The following CA10 variants were observed in gnomAD, a reference collection of about 807,000 sequenced individuals.
The protein encoded by CA10 is carbonic anhydrase-related protein 10.
A neutral mutation model predicts 44.2 loss-of-function variants in CA10; 14 were observed. That is an observed-to-expected ratio of 0.32 (90% CI 0.21 to 0.50). The LOEUF (loss-of-function observed/expected upper bound fraction) is 0.50. CA10 is among the 20% of genes least tolerant of loss of function. The pLI is 0.99. For synonymous variants in CA10, 159 were observed against 141.6 expected (o/e 1.12, Z -0.87); for missense variants, 350 against 409.7 (o/e 0.85, Z 1.26).
intron 1 of CA10, among the ~76,000 whole-genome samples, chr17:52,127,327 C>T (rs1381056096): frequency 1.3e-5 from 2 of 152,086 alleles, no homozygotes; most frequent in Non-Finnish European, 2.9e-5. Flanking sequence ...TTACATGGAT[C>T]CACTACAGTT....
At chr17:52,030,767 C>T (rs1286010357) in intron 2 of CA10, among the ~76,000 whole-genome samples, 1 of 152,150 alleles carries the variant, frequency 6.6e-6, no homozygotes, top group African/African-American at 2.4e-5. Flanking sequence ...CTGGGATACA[C>T]TCTTCCTCTC....
At chr17:51,871,222 C>A (rs2143861732) in intron 3 of CA10, among the ~76,000 whole-genome samples, 1 of 150,368 alleles carries the variant, frequency 6.7e-6, no homozygotes, top group Admixed American at 6.6e-5. Flanking sequence ...CCATGCCTGG[C>A]TTGCTTATTT....
intron 3 of CA10, among the ~76,000 whole-genome samples, chr17:51,789,295 C>T (rs1009930452): frequency 5.3e-5 from 8 of 152,266 alleles, no homozygotes; most frequent in South Asian, 2.1e-4. Flanking sequence ...GGATTACAGG[C>T]GTGAGCCACC....
At chr17:51,727,287 G>C (rs1345521773) in intron 4 of CA10, among the ~76,000 whole-genome samples, 2 of 152,142 alleles carry the variant, frequency 1.3e-5, no homozygotes, top group Non-Finnish European at 2.9e-5. Flanking sequence ...CAGGAGGAAA[G>C]GTCTTCCCCC....
intron 3 of CA10, among the ~76,000 whole-genome samples, chr17:51,768,736 G>A (rs769059780): frequency 3.9e-5 from 6 of 152,172 alleles, no homozygotes; most frequent in Non-Finnish European, 7.3e-5. Flanking sequence ...AAACAATGTG[G>A]CACAAACCCT....
intron 3 of CA10, among the ~76,000 whole-genome samples, chr17:51,787,056 A>T (rs778604074): frequency 1.2e-4 from 18 of 152,216 alleles, no homozygotes; most frequent in Non-Finnish European, 2.4e-4. Context: ...TTTCTAATAT[A>T]CTGTTGAATT....
chr17:52,058,702 T>C, intron 2 of CA10, among the ~76,000 whole-genome samples: 1 of 152,314 alleles, frequency 6.6e-6, no homozygotes, highest in South Asian at 2.1e-4. Flanking sequence ...AGATGCCTAT[T>C]CATCTTTTAA....
chr17:51,849,448 C>A (rs946735825), intron 3 of CA10, among the ~76,000 whole-genome samples: 1 of 151,508 alleles, frequency 6.6e-6, no homozygotes, highest in Non-Finnish European at 1.5e-5. Context: ...CACCTAGAAC[C>A]CCTTTGAGTG....
At chr17:51,931,965 C>T (rs557159848) in intron 2 of CA10, among the ~76,000 whole-genome samples, 9 of 152,116 alleles carry the variant, frequency 5.9e-5, no homozygotes, top group Non-Finnish European at 8.8e-5. Flanking sequence ...CAGCCTTTCC[C>T]TGCCCCTTTC....
chr17:51,723,177 G>A (rs894933214), intron 4 of CA10, among the ~76,000 whole-genome samples: 1 of 152,174 alleles, frequency 6.6e-6, no homozygotes, highest in Non-Finnish European at 1.5e-5. Flanking sequence ...AGAGCCCAAG[G>A]AAAGAAGAAT....
intron 3 of CA10, among the ~76,000 whole-genome samples, chr17:51,919,491 T>C (rs203067): frequency 0.53 from 80,263 of 152,024 alleles, 21,665 homozygotes; most frequent in Middle Eastern, 0.57. Context: ...GTGGAGCTAG[T>C]CTGTAAAACT....
intron 3 of CA10, among the ~76,000 whole-genome samples, chr17:51,824,765 C>T (rs1404227022): frequency 1.3e-5 from 2 of 152,198 alleles, no homozygotes; most frequent in African/African-American, 2.4e-5. Context: ...TTTGGGATAT[C>T]GGCCTCTTGA....
At chr17:51,744,130 G>A (rs1157917518) in intron 4 of CA10, among the ~76,000 whole-genome samples, 2 of 152,008 alleles carry the variant, frequency 1.3e-5, no homozygotes, top group African/African-American at 4.8e-5. Flanking sequence ...GACCAGCCTG[G>A]CCAACATAGT....
intron 1 of CA10, among the ~76,000 whole-genome samples, chr17:52,115,667 C>A (rs529296831): frequency 6.6e-6 from 1 of 152,254 alleles, no homozygotes; most frequent in South Asian, 2.1e-4. Flanking sequence ...TCCCCGCCCC[C>A]CTCCCCTCTC....
At chr17:51,869,738 CT>C (rs1157153522) in intron 3 of CA10, among the ~76,000 whole-genome samples, 7 of 152,062 alleles carry the variant, frequency 4.6e-5, no homozygotes, top group Non-Finnish European at 8.8e-5. Context: ...AGCAAACCCC[CT>C]GTCTCTACAA....
chr17:51,917,539 C>A (rs1182075430), intron 3 of CA10, among the ~76,000 whole-genome samples: 4 of 152,198 alleles, frequency 2.6e-5, no homozygotes, highest in Non-Finnish European at 4.4e-5. Context: ...GCTATATAAG[C>A]ATGGCACTGG....
chr17:51,983,088 GA>G (rs1984707467), intron 2 of CA10, among the ~76,000 whole-genome samples: 1 of 148,948 alleles, frequency 6.7e-6, no homozygotes. Context: ...TTTTTTATAG[GA>G]AATTTTTTTT....
At chr17:51,880,168 C>T (rs542181919) in intron 3 of CA10, among the ~76,000 whole-genome samples, 1 of 152,286 alleles carries the variant, frequency 6.6e-6, no homozygotes, top group Non-Finnish European at 1.5e-5. Context: ...CTTACCTCTT[C>T]CAGCAGAAAC....
chr17:52,090,949 TAC>T (rs1302110990), intron 1 of CA10, among the ~76,000 whole-genome samples: 2 of 152,168 alleles, frequency 1.3e-5, no homozygotes, highest in Non-Finnish European at 2.9e-5. Flanking sequence ...AGCTGCTGAC[TAC>T]ACACTCTTTT....
Sources: gnomAD v4.1 joint callset for allele counts (sites outside exome capture counted in the v4.1 genomes callset) on GRCh38, gnomAD v4.1.1 for gene constraint, MANE v1.5 for transcripts, NCBI Gene and HGNC (gene_info 2026-07-23, HGNC 2026-07-21) for gene names.